Variants in ZBED4 observed in about 807,000 individuals in gnomAD.
ZBED4 encodes the protein zinc finger BED domain-containing protein 4.
ZBED4 carries 4 observed loss-of-function variants against 15.5 expected under a neutral mutation model. The ratio of observed to expected loss-of-function variants is 0.26; its 90% CI spans 0.13 to 0.59. ZBED4 has a LOEUF of 0.59. ZBED4 is among the 20% of genes least tolerant of loss of function. The pLI, the probability that ZBED4 is intolerant of heterozygous loss-of-function variation, is 0.90. For synonymous variants in ZBED4, 692 were observed against 608.5 expected (o/e 1.14, Z -2.02); for missense variants, 1,323 against 1,461.8 (o/e 0.91, Z 1.55).
chr22:49,877,759 C>T (rs932194995), intron 1 of ZBED4, among the ~76,000 whole-genome samples: 1 of 152,088 alleles, frequency 6.6e-6, no homozygotes, highest in Non-Finnish European at 1.5e-5. Flanking sequence ...TAAACCCATC[C>T]TGCAGGTGGC....
In ZBED4 at chr22:49,883,403, C is replaced by T. The variant is rs78273423; in HGVS notation, c.-260C>T. 4.1e-3 allele frequency: 1,399 copies of T among 340,894 alleles called. 19 individuals carry two copies. The highest frequency in any genetic ancestry group is 0.026 in the African/African-American group (1,255 of 48,590). The allele number at this position is 340,894 out of a possible 1,614,324, so 21.1% of individuals were successfully genotyped here. A position where few individuals can be genotyped will look rare whatever the true frequency, so the allele number is the denominator to read the frequency against. Reference sequence around the variant, plus strand: ...GATCCTGTCCTCAGGACCAGAAGCACGTCTCTGCTGCACACATTGTTGTCT... The same window carrying T: ...GATCCTGTCCTCAGGACCAGAAGCATGTCTCTGCTGCACACATTGTTGTCT... On this transcript the variant is annotated 5_prime_UTR_variant, in exon 2 of 2. The change creates a new upstream start codon in the 5' untranslated region. Transcript: ENST00000216268.
chr22:49,883,763 C>T lies in ZBED4; in HGVS notation c.101C>T (p.Pro34Leu). Reference protein sequence around the residue: ...IEEEDDDGIPPDSLERMDFKS... With the variant: ...IEEEDDDGIPLDSLERMDFKS... ...GAGGAAGATGATGATGGAATTCCTC[C>T]TGATAGTTTGGAAAGAATGGACTTT... The change falls in exon 2 of 2, where the codon CCT becomes CTT. Residue 34 changes from proline to leucine, a missense_variant. Pro to Leu is a moderately conservative substitution (Grantham distance 98). Around this residue, in one of 6 missense-constraint regions of ZBED4, gnomAD observed 380 missense variants for 413.7 expected, o/e 0.92. Transcript: ENST00000216268. 1 of 1,612,782 alleles carries T rather than the reference C, an allele frequency of 6.2e-7. No individual in the cohort carries two copies. Among genetic ancestry groups the T allele is most frequent in the Admixed American group, 1.7e-5 (1 of 59,948 alleles).
In ZBED4 at chr22:49,886,190, A is replaced by C; in HGVS notation, c.2528A>C (p.Gln843Pro). Residue 843 changes from glutamine to proline, a missense_variant, in exon 2 of 2, where the codon CAG becomes CCG. Coordinates refer to ENST00000216268, the MANE Select transcript of ZBED4 (RefSeq NM_014838.3). The surrounding 1 kb of genome is among the most constrained non-coding windows in gnomAD (Gnocchi z 7.7). The part of the protein sequence containing the change: ...NLIVSEAIKS[Q>P]RMVQNLLSLA... ...ATCGTCAGCGAGGCCATTAAGAGCCAGCGGATGGTGCAGAACCTGCTGAGC... is the reference window on the plus strand; with the variant it reads ...ATCGTCAGCGAGGCCATTAAGAGCCCGCGGATGGTGCAGAACCTGCTGAGC... 1 of 730,212 alleles carries C rather than the reference A, an allele frequency of 1.4e-6. No individual in the cohort carries two copies. Among genetic ancestry groups the C allele is most frequent in the East Asian group, 2.5e-5 (1 of 40,554 alleles). 45.2% of individuals were successfully genotyped at this position (730,212 alleles called of 1,614,324 possible). A position where few individuals can be genotyped will look rare whatever the true frequency, so the allele number is the denominator to read the frequency against.
At chr22:49,881,306 G>T (rs923115546) in intron 1 of ZBED4, among the ~76,000 whole-genome samples, 2 of 152,264 alleles carry the variant, frequency 1.3e-5, no homozygotes, top group African/African-American at 4.8e-5. Flanking sequence ...CTGAGATCGT[G>T]CCGCTGCACA....
chr22:49,866,397 TA>T (rs1327792081), intron 1 of ZBED4, among the ~76,000 whole-genome samples: 6 of 152,082 alleles, frequency 3.9e-5, no homozygotes, highest in Middle Eastern at 3.4e-3. Context: ...TCTTTTTCAT[TA>T]AAAAAAATTG....
chr22:49,864,760 A>C (rs953574194), intron 1 of ZBED4, among the ~76,000 whole-genome samples: 1 of 137,906 alleles, frequency 7.3e-6, no homozygotes, highest in African/African-American at 2.8e-5. Context: ...GTTTGAGGCT[A>C]CAGTGAGCTG....
chr22:49,881,506 C>T (rs902562826), intron 1 of ZBED4, among the ~76,000 whole-genome samples: 2 of 152,190 alleles, frequency 1.3e-5, no homozygotes, highest in African/African-American at 4.8e-5. Flanking sequence ...TCTCCTCAGC[C>T]TTCCAAGCAG....
chr22:49,888,086 A>T lies in ZBED4; in HGVS notation c.*908A>T, dbSNP rs2060449681. On this transcript the variant is annotated 3_prime_UTR_variant, in exon 2 of 2. Transcript: ENST00000216268. ...TAGAAGAGATGGCTTATTAACAGGG[A>T]AGAAGCTTGTTATATTCCAGTTGTA... is the stretch of plus-strand genomic sequence containing the variant. 1 of 167,228 alleles carries T rather than the reference A, an allele frequency of 6.0e-6. No homozygotes were observed. Among genetic ancestry groups the T allele is most frequent in the African/African-American group, 2.4e-5 (1 of 41,446 alleles). 10.4% of individuals were successfully genotyped at this position (167,228 alleles called of 1,614,324 possible).
intron 1 of ZBED4, among the ~76,000 whole-genome samples, chr22:49,859,950 TCAGGAG>T (rs1473557341): frequency 1.5e-3 from 211 of 139,520 alleles, no homozygotes; most frequent in East Asian, 2.1e-3. Flanking sequence ...TCACTTGAGC[TCAGGAG>T]TTCCAGACCA....
intron 1 of ZBED4, among the ~76,000 whole-genome samples, chr22:49,874,388 A>ATT (rs539781070): frequency 1.7e-4 from 25 of 143,182 alleles, no homozygotes; most frequent in Admixed American, 4.9e-4. Flanking sequence ...TATTGTTTTA[A>ATT]TTTTTTTTTT....
rs1449948119 is a variant in ZBED4, at chr22:49,885,627, C to CA, written c.1972dup (p.Ile658AsnfsTer7). On this transcript the variant is annotated frameshift_variant, in exon 2 of 2. Coordinates refer to ENST00000216268, the MANE Select transcript of ZBED4 (RefSeq NM_014838.3). LOFTEE classifies it high-confidence loss of function. ...AGTTTTACGATTCTCACCCAGTTGC[C>CA]AAAAAAATCACAAGTCTCATAGCTG... is the stretch of plus-strand genomic sequence containing the variant. 6.2e-7 allele frequency: 1 copy of CA among 1,610,718 alleles called. No homozygotes were observed. The highest frequency in any genetic ancestry group is 8.5e-7 in the Non-Finnish European group (1 of 1,177,746).
intron 1 of ZBED4, among the ~76,000 whole-genome samples, chr22:49,866,344 T>TAA (rs2060322452): frequency 6.6e-6 from 1 of 152,124 alleles, no homozygotes; most frequent in Non-Finnish European, 1.5e-5. Flanking sequence ...ACGTGTCTTT[T>TAA]AAATTGGTCC....
At chr22:49,856,255 G>A (rs1000724015) in intron 1 of ZBED4, among the ~76,000 whole-genome samples, 1 of 152,238 alleles carries the variant, frequency 6.6e-6, no homozygotes, top group Non-Finnish European at 1.5e-5. Context: ...CTCTCTGCCT[G>A]CTGGGGCCAT....
Position 49,887,248 on chromosome 22 carries a change from A to G in ZBED4, c.*70A>G. ...GTTAGCAGCCTGTACCAGGTCTATG[A>G]CCCGCTCTGCCCACGGCTGTGTACG... On this transcript the variant is annotated 3_prime_UTR_variant, in exon 2 of 2. Transcript: ENST00000216268. 4 of 1,500,608 alleles carry G rather than the reference A, an allele frequency of 2.7e-6. No individual in the cohort carries two copies. The highest frequency in any genetic ancestry group is 3.6e-6 in the Non-Finnish European group (4 of 1,107,882). 93.0% of individuals were successfully genotyped at this position (1,500,608 alleles called of 1,614,324 possible). A position where few individuals can be genotyped will look rare whatever the true frequency, so the allele number is the denominator to read the frequency against.
At chr22:49,874,106 A>G (rs1416840293) in intron 1 of ZBED4, among the ~76,000 whole-genome samples, 1 of 152,164 alleles carries the variant, frequency 6.6e-6, no homozygotes, top group East Asian at 1.9e-4. Context: ...CTGCCCATCA[A>G]GGCAGTTCTG....
rs534701477 is a variant in ZBED4, at chr22:49,863,532, CAGG to C, written c.-330+9546_-330+9548del. ...ATCCCAGCTGCTCAGGAGGCTGAGG[CAGG>C]AGAATTGCTTGAACCGGGGAGGCGG... On this transcript the variant is annotated intron_variant, in intron 1 of 1. Coordinates refer to ENST00000216268, the MANE Select transcript of ZBED4 (RefSeq NM_014838.3). Among the ~76,000 whole-genome samples the C allele has an allele frequency of 7.9e-3, 1,197 of 151,742 alleles. 13 individuals carry two copies. Among genetic ancestry groups the C allele is most frequent in the South Asian group, 0.062 (300 of 4,808 alleles).
chr22:49,868,566 G>A (rs569922620), intron 1 of ZBED4, among the ~76,000 whole-genome samples: 16 of 152,164 alleles, frequency 1.1e-4, no homozygotes, highest in South Asian at 2.1e-4. Context: ...GCAACAGAGC[G>A]AGACTGTCTC....
At chr22:49,857,279 G>T (rs2060278591) in intron 1 of ZBED4, among the ~76,000 whole-genome samples, 1 of 152,226 alleles carries the variant, frequency 6.6e-6, no homozygotes. Context: ...GCGATGTCAG[G>T]CCTGTCACTA....
rs2060428780 is a variant in ZBED4, at chr22:49,884,879, G to C, written c.1217G>C (p.Gly406Ala). The change falls in exon 2 of 2, where the codon GGG becomes GCG. Residue 406 changes from glycine (G) to alanine (A), a missense_variant. Coordinates refer to ENST00000216268, the MANE Select transcript of ZBED4 (RefSeq NM_014838.3). ...CAGTCTCACTTGAACCCTGGAGATG[G>C]GCTGATGGAAGACGTGGCGGCCTTC... ...DLQSHLNPGD[G>A]LMEDVAAFSS... 6.2e-7 allele frequency: 1 copy of C among 1,605,332 alleles called. No individual in the cohort carries two copies. Among genetic ancestry groups the C allele is most frequent in the Non-Finnish European group, 8.5e-7 (1 of 1,173,758 alleles).
Sources: allele counts gnomAD v4.1 joint callset (sites outside exome capture counted in the v4.1 genomes callset), GRCh38; gene constraint gnomAD v4.1.1; regional missense constraint gnomAD v4.1.1; non-coding constraint Gnocchi (gnomAD v3.1); transcripts MANE v1.5; gene names NCBI Gene and HGNC (gene_info 2026-07-23, HGNC 2026-07-21).